Variants in MYRIP observed in about 807,000 individuals in gnomAD.
MYRIP encodes rab effector MyRIP.
A neutral mutation model predicts 98.0 loss-of-function variants in MYRIP; 49 were observed. That is an observed-to-expected ratio of 0.50 (90% CI 0.40 to 0.63). MYRIP has a LOEUF of 0.63. Ranked by LOEUF, MYRIP falls within the 30% of genes least tolerant of loss-of-function variation. The pLI is 0.00. For missense variants in MYRIP, 1,004 were observed against 1,058.2 expected, an observed-to-expected ratio of 0.95 and a Z score of 0.71; for synonymous variants, 404 against 409.5, an observed-to-expected ratio of 0.99 and a Z score of 0.16.
At chr3:39,973,905 G>A (rs534289425) in intron 2 of MYRIP, among the ~76,000 whole-genome samples, 2 of 152,208 alleles carry the variant, frequency 1.3e-5, no homozygotes, top group African/African-American at 4.8e-5. Context: ...AAAGCAGTGT[G>A]TAGAGGGAAA....
chr3:39,953,242 A>G (rs1452520193), intron 2 of MYRIP, among the ~76,000 whole-genome samples: 1 of 152,178 alleles, frequency 6.6e-6, no homozygotes, highest in Non-Finnish European at 1.5e-5. Context: ...CTAAAATTCC[A>G]CAGACTTCCA....
intron 11 of MYRIP, among the ~76,000 whole-genome samples, chr3:40,222,049 G>C (rs1018719021): frequency 6.6e-6 from 1 of 152,134 alleles, no homozygotes; most frequent in Non-Finnish European, 1.5e-5. Context: ...TCTTGGTTTT[G>C]CCCAGGAAAG....
At chr3:40,009,426 C>T (rs909769832) in intron 2 of MYRIP, among the ~76,000 whole-genome samples, 11 of 151,948 alleles carry the variant, frequency 7.2e-5, no homozygotes, top group African/African-American at 1.7e-4. Flanking sequence ...TTAGTGGAGA[C>T]GGGGTTTCAC....
At chr3:40,240,582 G>A (rs980176933) in intron 12 of MYRIP, among the ~76,000 whole-genome samples, 12 of 152,162 alleles carry the variant, frequency 7.9e-5, no homozygotes, top group African/African-American at 2.4e-5. Flanking sequence ...GCGCTTTTCC[G>A]ATGGGCTTAA....
chr3:39,916,584 G>C (rs1470763774), intron 2 of MYRIP, among the ~76,000 whole-genome samples: 1 of 152,056 alleles, frequency 6.6e-6, no homozygotes, highest in Non-Finnish European at 1.5e-5. Context: ...CACCTTGGCT[G>C]TGTGATACCA....
rs372471843 is a variant in MYRIP, at chr3:40,098,920, CGT to C, written c.333-52109_333-52108del. 4.5e-3 allele frequency among the ~76,000 whole-genome samples: 552 copies of C among 122,900 alleles called. 2 individuals carry two copies. Among genetic ancestry groups the C allele is most frequent in the Non-Finnish European group, 6.7e-3 (373 of 55,948 alleles). The allele number at this position is 122,900 out of a possible 152,430, so 80.6% of individuals were successfully genotyped here. ...GGGTGTGTGGGTGTGCATGTGTGTG[CGT>C]GTGTGTGTGTGTGTGTGTACATTTG... On this transcript the variant is annotated intron_variant, in intron 3 of 16. Transcript: ENST00000302541.
At chr3:40,121,649 G>C (rs1356037832) in intron 3 of MYRIP, among the ~76,000 whole-genome samples, 1 of 151,770 alleles carries the variant, frequency 6.6e-6, no homozygotes, top group Non-Finnish European at 1.5e-5. Flanking sequence ...TGCCCCACTG[G>C]TGCAAACCCA....
chr3:40,118,218 C>T (rs1949323256), intron 3 of MYRIP, among the ~76,000 whole-genome samples: 1 of 114,484 alleles, frequency 8.7e-6, no homozygotes, highest in Non-Finnish European at 2.0e-5. Context: ...CTTGATAACA[C>T]TGTATGTTGG....
At chr3:40,043,469 C>T (rs1302595787) in intron 2 of MYRIP, among the ~76,000 whole-genome samples, 1 of 152,014 alleles carries the variant, frequency 6.6e-6, no homozygotes, top group East Asian at 1.9e-4. Context: ...GCCCAGTGAC[C>T]AGGAGCTTTT....
At chr3:40,017,440 G>A (rs1284829641) in intron 2 of MYRIP, among the ~76,000 whole-genome samples, 1 of 152,194 alleles carries the variant, frequency 6.6e-6, no homozygotes. Context: ...GCTTGCTCAG[G>A]ATGAGGCAGC....
At chr3:40,066,231 T>G (rs1948124556) in intron 3 of MYRIP, among the ~76,000 whole-genome samples, 1 of 152,178 alleles carries the variant, frequency 6.6e-6, no homozygotes, top group South Asian at 2.1e-4. Flanking sequence ...TTGCAACTTT[T>G]TACTGCCCTT....
chr3:40,198,503 C>A (rs1051401093), intron 10 of MYRIP, among the ~76,000 whole-genome samples: 13 of 152,326 alleles, frequency 8.5e-5, no homozygotes, highest in Admixed American at 6.5e-4. Context: ...TTACTGGCAA[C>A]AAACAGACTT....
At chr3:39,904,068 A>G (rs930039897) in intron 2 of MYRIP, among the ~76,000 whole-genome samples, 1 of 152,134 alleles carries the variant, frequency 6.6e-6, no homozygotes. Context: ...GTCTCTGATA[A>G]TATTTTACTT....
At chr3:39,926,612 T>G (rs1187119614) in intron 2 of MYRIP, among the ~76,000 whole-genome samples, 3 of 152,092 alleles carry the variant, frequency 2.0e-5, no homozygotes, top group Non-Finnish European at 4.4e-5. Context: ...ATTGCTTCTT[T>G]TTGTCAACTT....
Position 40,083,913 on chromosome 3 carries a change from G to A in MYRIP, c.332+39642G>A, listed in dbSNP as rs1011203768. Among the ~76,000 whole-genome samples the A allele has an allele frequency of 1.8e-4, 28 of 152,022 alleles. 1 individual carries two copies. The highest frequency in any genetic ancestry group is 2.1e-4 in the South Asian group (1 of 4,806). ...AACACTTTGTGAGGCCAAGGTGGGC[G>A]GATTATGAGGTCAGGAGATCAAGAC... On this transcript the variant is annotated intron_variant, in intron 3 of 16. Coordinates refer to ENST00000302541, the MANE Select transcript of MYRIP (RefSeq NM_015460.4).
At chr3:40,027,717 CTT>C (rs1033780456) in intron 2 of MYRIP, among the ~76,000 whole-genome samples, 9 of 151,892 alleles carry the variant, frequency 5.9e-5, no homozygotes, top group Non-Finnish European at 1.2e-4. Context: ...GGGGCTATGT[CTT>C]TTTTTAAAAA....
chr3:39,896,386 C>G (rs1439013440), intron 1 of MYRIP, among the ~76,000 whole-genome samples: 1 of 152,130 alleles, frequency 6.6e-6, no homozygotes, highest in Non-Finnish European at 1.5e-5. Flanking sequence ...GGGTAACACC[C>G]TTGAAGGTGA....
intron 3 of MYRIP, among the ~76,000 whole-genome samples, chr3:40,113,004 A>G (rs1275559287): frequency 6.6e-6 from 1 of 152,218 alleles, no homozygotes; most frequent in Non-Finnish European, 1.5e-5. Context: ...ACCAATGCAG[A>G]TGGATTCCAG....
chr3:40,206,229 A>G (rs764515774), intron 10 of MYRIP, among the ~76,000 whole-genome samples: 1 of 152,164 alleles, frequency 6.6e-6, no homozygotes, highest in Non-Finnish European at 1.5e-5. Flanking sequence ...AACATAGGGC[A>G]GGGATTGCTT....
Sources: gnomAD v4.1 joint callset for allele counts (sites outside exome capture counted in the v4.1 genomes callset) on GRCh38, gnomAD v4.1.1 for gene constraint, MANE v1.5 for transcripts, NCBI Gene and HGNC (gene_info 2026-07-23, HGNC 2026-07-21) for gene names.